The following NSMCE2 variants were observed in gnomAD, a reference collection of about 807,000 sequenced individuals.
NSMCE2 encodes the protein NSE2 SUMO ligase component of SMC5/6 complex.
NSMCE2 carries 24 observed loss-of-function variants against 23.8 expected under a neutral mutation model. The ratio of observed to expected loss-of-function variants is 1.01; its 90% CI spans 0.73 to 1.42. NSMCE2 has a LOEUF of 1.42. Among genes scored for constraint, NSMCE2 ranks in the 40% most tolerant of loss-of-function variants. NSMCE2 has a pLI of 0.00. For synonymous variants in NSMCE2, 92 were observed against 94.1 expected, an observed-to-expected ratio of 0.98 and a Z score of 0.13; for missense variants, 284 against 296.5, an observed-to-expected ratio of 0.96 and a Z score of 0.31.
rs375972265 is a variant in NSMCE2 at position 125,312,028 on chromosome 8, A to G, written c.419-45191A>G. Among the ~76,000 whole-genome samples, 6 of 148,236 alleles carry G rather than the reference A, an allele frequency of 4.0e-5. No homozygotes were observed. In the East Asian group the frequency reaches 1.2e-3, roughly 30 times the overall value. On this transcript the variant is annotated intron_variant, in intron 5 of 7. Coordinates refer to ENST00000287437, the MANE Select transcript of NSMCE2 (RefSeq NM_173685.4). ...GGTTGCAGTGAGCAGAGATCAGGTCATTATTGCACTCCAGCCTGGGCAACA... is the reference window on the plus strand; with the variant it reads ...GGTTGCAGTGAGCAGAGATCAGGTCGTTATTGCACTCCAGCCTGGGCAACA...
chr8:125,284,660 A>T (rs796617872), intron 5 of NSMCE2, among the ~76,000 whole-genome samples: 3 of 152,348 alleles, frequency 2.0e-5, no homozygotes, highest in African/African-American at 7.2e-5. Context: ...GAGCACTTAC[A>T]GCATTTCTGC....
intron 5 of NSMCE2, among the ~76,000 whole-genome samples, chr8:125,299,804 CTTTTTTTTT>C (rs58789139): frequency 0.049 from 3,420 of 70,106 alleles, 17 homozygotes; most frequent in Non-Finnish European, 0.073. Context: ...TTTTGGCTTT[CTTTTTTTTT>C]TTTTTTTTTT....
intron 3 of NSMCE2, among the ~76,000 whole-genome samples, chr8:125,146,640 G>T (rs1486780229): frequency 2.0e-5 from 3 of 151,990 alleles, no homozygotes; most frequent in Non-Finnish European, 4.4e-5. Flanking sequence ...GCAAACTATC[G>T]CAAGGACAGA....
At chr8:125,269,093 GT>G (rs1217849565) in intron 5 of NSMCE2, among the ~76,000 whole-genome samples, 1 of 151,756 alleles carries the variant, frequency 6.6e-6, no homozygotes, top group African/African-American at 2.4e-5. Flanking sequence ...TTTGTTTTTT[GT>G]TTGTTTTTTT....
At chr8:125,156,608 AGT>A (rs1197045343) in intron 4 of NSMCE2, among the ~76,000 whole-genome samples, 1 of 152,134 alleles carries the variant, frequency 6.6e-6, no homozygotes, top group Admixed American at 6.6e-5. Context: ...TGCCCTATGT[AGT>A]GTGGTTTTTC....
chr8:125,148,895 A>C (rs1238046049), intron 3 of NSMCE2, among the ~76,000 whole-genome samples: 2 of 152,212 alleles, frequency 1.3e-5, no homozygotes, highest in African/African-American at 4.8e-5. Context: ...ATTACAAAAC[A>C]TCCATTACAT....
intron 6 of NSMCE2, 80 bp from the exon 7 acceptor site, chr8:125,357,632 A>G (rs1814418475): frequency 1.5e-5 from 15 of 1,013,814 alleles, no homozygotes; most frequent in Admixed American, 2.0e-5. Context: ...TTAAACATAG[A>G]AAGCTCAGGA....
At chr8:125,157,225 CAGG>C (rs1821370188) in intron 4 of NSMCE2, among the ~76,000 whole-genome samples, 1 of 152,134 alleles carries the variant, frequency 6.6e-6, no homozygotes, top group South Asian at 2.1e-4. Context: ...AGCAAAAAGG[CAGG>C]AGGTGACAGG....
chr8:125,208,374 T>C (rs1448565036), intron 5 of NSMCE2, among the ~76,000 whole-genome samples: 1 of 152,192 alleles, frequency 6.6e-6, no homozygotes, highest in African/African-American at 2.4e-5. Flanking sequence ...CTGGACTAGA[T>C]GTATAGGAAT....
chr8:125,194,334 G>A (rs569087242), intron 5 of NSMCE2, among the ~76,000 whole-genome samples: 1 of 152,216 alleles, frequency 6.6e-6, no homozygotes, highest in South Asian at 2.1e-4. Flanking sequence ...TGTTGTATAG[G>A]TAGAATTGTA....
Position 125,142,908 on chromosome 8 carries a change from T to A in NSMCE2, c.158-8263T>A, listed in dbSNP as rs1378478847. Among the ~76,000 whole-genome samples, 11 of 152,204 alleles carry A rather than the reference T, an allele frequency of 7.2e-5. No individual in the cohort carries two copies. The East Asian group carries it at 2.1e-3, about 29-fold the overall frequency. On this transcript the variant is annotated intron_variant, in intron 3 of 7. Transcript: ENST00000287437. The stretch of plus-strand genomic sequence containing the variant: ...TGGGCCACCACACCCAGCCATGTAT[T>A]CAGTTTTAATTTTGCCACACTAATA...
intron 3 of NSMCE2, among the ~76,000 whole-genome samples, chr8:125,144,779 T>C (rs1341031491): frequency 6.6e-6 from 1 of 152,234 alleles, no homozygotes; most frequent in Non-Finnish European, 1.5e-5. Flanking sequence ...CATTGAAGTC[T>C]CATGAATTTT....
intron 5 of NSMCE2, among the ~76,000 whole-genome samples, chr8:125,287,523 A>G (rs1184989971): frequency 6.6e-6 from 1 of 151,908 alleles, no homozygotes; most frequent in Non-Finnish European, 1.5e-5. Flanking sequence ...AAAATAAATG[A>G]CCTAAGTAAG....
intron 5 of NSMCE2, among the ~76,000 whole-genome samples, chr8:125,241,355 G>T (rs758745407): frequency 6.6e-6 from 1 of 152,182 alleles, no homozygotes; most frequent in African/African-American, 2.4e-5. Flanking sequence ...GGGGAGATAG[G>T]CAATCAAATA....
chr8:125,263,476 G>A (rs1342149856), intron 5 of NSMCE2, among the ~76,000 whole-genome samples: 4 of 152,162 alleles, frequency 2.6e-5, no homozygotes, highest in South Asian at 2.1e-4. Flanking sequence ...AGGGCTGGGC[G>A]TGGTGGCTCA....
At chr8:125,356,895 T>C (rs1813303541) in intron 5 of NSMCE2, among the ~76,000 whole-genome samples, 1 of 152,230 alleles carries the variant, frequency 6.6e-6, no homozygotes, top group Non-Finnish European at 1.5e-5. Flanking sequence ...GGCACCTTGC[T>C]AGCCCAGCGT....
chr8:125,164,605 A>C (rs1210423770), intron 4 of NSMCE2, among the ~76,000 whole-genome samples: 1 of 152,208 alleles, frequency 6.6e-6, no homozygotes, highest in South Asian at 2.1e-4. Flanking sequence ...GAAGCAAAGA[A>C]TACTGTTATA....
chr8:125,183,252 A>T (rs1822915306), intron 5 of NSMCE2, among the ~76,000 whole-genome samples: 1 of 152,142 alleles, frequency 6.6e-6, no homozygotes, highest in Non-Finnish European at 1.5e-5. Context: ...TGATGCTGAG[A>T]TCTCAAAAAA....
chr8:125,346,486 C>T (rs1830439704), intron 5 of NSMCE2, among the ~76,000 whole-genome samples: 4 of 152,202 alleles, frequency 2.6e-5, no homozygotes, highest in Admixed American at 2.6e-4. Flanking sequence ...TTGCTTTCTT[C>T]AGACTTTACT....
Sources: allele counts gnomAD v4.1 joint callset (sites outside exome capture counted in the v4.1 genomes callset), GRCh38; gene constraint gnomAD v4.1.1; transcripts MANE v1.5; gene names NCBI Gene and HGNC (gene_info 2026-07-23, HGNC 2026-07-21).